Variants in SUMF1 observed in about 807,000 individuals in gnomAD.
The protein encoded by SUMF1 is sulfatase modifying factor 1.
In SUMF1, 48 loss-of-function variants were observed where a neutral mutation model predicts 47.6. The ratio of observed to expected loss-of-function variants is 1.01; its 90% CI spans 0.80 to 1.28. The LOEUF is 1.28. SUMF1 is among the 50% of genes most tolerant of loss of function. The pLI, the probability that SUMF1 is intolerant of heterozygous loss-of-function variation, is 0.00. For missense variants in SUMF1, 571 were observed against 485.4 expected, an observed-to-expected ratio of 1.18 and a Z score of -1.66; for synonymous variants, 230 against 192.1, an observed-to-expected ratio of 1.20 and a Z score of -1.63.
At chr3:4,139,120 T>G (rs886908247) in intron 8 of SUMF1, among the ~76,000 whole-genome samples, 4 of 152,140 alleles carry the variant, frequency 2.6e-5, no homozygotes, top group African/African-American at 9.7e-5. Context: ...AACATAAAAT[T>G]TTATTGTATT....
At chr3:4,242,759 C>T (rs988489464) in intron 8 of SUMF1, among the ~76,000 whole-genome samples, 2 of 152,144 alleles carry the variant, frequency 1.3e-5, no homozygotes, top group Non-Finnish European at 2.9e-5. Flanking sequence ...CTCTGCCAGG[C>T]TTTGGGATCA....
chr3:4,450,791 G>A (rs1702943308), intron 2 of SUMF1, among the ~76,000 whole-genome samples: 1 of 152,034 alleles, frequency 6.6e-6, no homozygotes, highest in South Asian at 2.1e-4. Flanking sequence ...TGCAGAAGGG[G>A]GATAAGCAAG....
At chr3:4,462,586 A>C (rs1337138058) in intron 1 of SUMF1, among the ~76,000 whole-genome samples, 1 of 152,198 alleles carries the variant, frequency 6.6e-6, no homozygotes, top group African/African-American at 2.4e-5. Flanking sequence ...TGTACACAAA[A>C]ATAGAATCAG....
chr3:4,058,296 G>T (rs1695223613), intron 9 of SUMF1, among the ~76,000 whole-genome samples: 1 of 152,096 alleles, frequency 6.6e-6, no homozygotes, highest in Non-Finnish European at 1.5e-5. Context: ...CTTAAGCATT[G>T]TCTGCAAGCC....
chr3:4,169,945 G>C (rs1436056089), intron 8 of SUMF1, among the ~76,000 whole-genome samples: 1 of 152,088 alleles, frequency 6.6e-6, no homozygotes, highest in South Asian at 2.1e-4. Flanking sequence ...AATTAAAGAG[G>C]TTCTAAAATG....
At position 4,154,842 on chromosome 3, in the gene SUMF1, G is replaced by GAATAC. The variant is rs374080560; in HGVS notation, c.1015-86102_1015-86098dup. Among the ~76,000 whole-genome samples, 81 of 151,618 alleles carry GAATAC rather than the reference G, an allele frequency of 5.3e-4. 2 individuals are homozygous for GAATAC. The highest frequency in any genetic ancestry group is 1.9e-3 in the African/African-American group (78 of 40,946). ...GGGCAACCACCGCATCCCACTTCCA[G>GAATAC]AATACATCAAAATTACAGCTTTTTT... On this transcript the variant is annotated intron_variant and NMD_transcript_variant, in intron 8 of 12. Coordinates refer to the SUMF1 transcript ENST00000448413.
intron 7 of SUMF1, among the ~76,000 whole-genome samples, chr3:4,402,603 A>G (rs1263533337): frequency 1.3e-5 from 2 of 152,182 alleles, no homozygotes; most frequent in East Asian, 1.9e-4. Flanking sequence ...CATTCATACT[A>G]TATCAATGAC....
intron 8 of SUMF1, among the ~76,000 whole-genome samples, chr3:4,273,912 A>T (rs1697362738): frequency 2.1e-5 from 3 of 143,056 alleles, no homozygotes; most frequent in Non-Finnish European, 3.0e-5. Context: ...TCTTTTTTTT[A>T]ATCTAAACAT....
chr3:4,047,955 T>C (rs898290353), intron 9 of SUMF1, among the ~76,000 whole-genome samples: 1 of 152,104 alleles, frequency 6.6e-6, no homozygotes, highest in African/African-American at 2.4e-5. Context: ...ATAGTTCCAA[T>C]ATTATCCTCA....
chr3:4,305,363 G>T (rs868853036), intron 8 of SUMF1, among the ~76,000 whole-genome samples: 14 of 152,184 alleles, frequency 9.2e-5, no homozygotes, highest in Non-Finnish European at 1.6e-4. Flanking sequence ...TGGGATTACA[G>T]ACGTGAGCCA....
intron 8 of SUMF1, among the ~76,000 whole-genome samples, chr3:4,130,382 G>A (rs1369880663): frequency 3.3e-5 from 5 of 152,110 alleles, no homozygotes; most frequent in African/African-American, 9.7e-5. Flanking sequence ...AGCAATATAC[G>A]TTTACTGTCC....
At chr3:4,399,589 G>A (rs1475804129) in intron 7 of SUMF1, among the ~76,000 whole-genome samples, 1 of 152,152 alleles carries the variant, frequency 6.6e-6, no homozygotes, top group Non-Finnish European at 1.5e-5. Context: ...GACAGTGCGG[G>A]AACATTTAGG....
rs548683862 is a variant in SUMF1 at position 4,217,736 on chromosome 3, C to G, written c.1015-148991G>C. Among the ~76,000 whole-genome samples, 17 of 113,378 alleles carry G rather than the reference C, an allele frequency of 1.5e-4. No homozygotes were observed. In the East Asian group the frequency reaches 4.0e-3, roughly 27 times the overall value. 74.4% of individuals were successfully genotyped at this position (113,378 alleles called of 152,430 possible). A position where few individuals can be genotyped will look rare whatever the true frequency, so the allele number is the denominator to read the frequency against. ...TTAAAAAATATTTTTTATCTTTGAA[C>G]CACAAAATTTCTTAGCTATTTTTTT... On this transcript the variant is annotated intron_variant and NMD_transcript_variant, in intron 8 of 12. Coordinates refer to the SUMF1 transcript ENST00000448413.
intron 8 of SUMF1, among the ~76,000 whole-genome samples, chr3:4,177,650 A>C (rs1012641237): frequency 3.3e-5 from 5 of 152,162 alleles, no homozygotes; most frequent in Non-Finnish European, 7.4e-5. Flanking sequence ...AAGAGCAAAC[A>C]CATTCAAAAG....
intron 8 of SUMF1, among the ~76,000 whole-genome samples, chr3:4,070,180 T>C (rs960618856): frequency 1.1e-4 from 16 of 152,184 alleles, no homozygotes; most frequent in Non-Finnish European, 2.2e-4. Flanking sequence ...CCCACCTTTC[T>C]GAACCCAACC....
intron 8 of SUMF1, among the ~76,000 whole-genome samples, chr3:4,263,530 A>G (rs1230568539): frequency 1.3e-5 from 2 of 152,152 alleles, no homozygotes; most frequent in Non-Finnish European, 2.9e-5. Flanking sequence ...AGTATACCGA[A>G]CCAAGAATGC....
At chr3:4,425,272 C>T (rs1444707011) in intron 3 of SUMF1, among the ~76,000 whole-genome samples, 1 of 152,106 alleles carries the variant, frequency 6.6e-6, no homozygotes, top group East Asian at 1.9e-4. Context: ...CCTCAGCTTA[C>T]TCATCTGCAA....
rs1051260496 is a variant in SUMF1 at position 4,236,680 on chromosome 3, T to C, written c.1014+139650A>G. On this transcript the variant is annotated intron_variant and NMD_transcript_variant, in intron 8 of 12. Coordinates refer to the SUMF1 transcript ENST00000448413. ...GCAGAAAGTACAGAGTTCTCATATATCCCTTGTCACCTATCAACATCCTGT... is the reference window on the plus strand; with the variant it reads ...GCAGAAAGTACAGAGTTCTCATATACCCCTTGTCACCTATCAACATCCTGT... Among the ~76,000 whole-genome samples, 13 of 152,080 alleles carry C rather than the reference T, an allele frequency of 8.5e-5. 1 individual carries two copies. The highest frequency in any genetic ancestry group is 3.1e-4 in the African/African-American group (13 of 41,442).
At chr3:4,038,115 C>T (rs1346225797) in intron 9 of SUMF1, among the ~76,000 whole-genome samples, 1 of 152,148 alleles carries the variant, frequency 6.6e-6, no homozygotes, top group Non-Finnish European at 1.5e-5. Flanking sequence ...ACCACCGCTG[C>T]AGGGTGATCT....
Sources: gnomAD v4.1 joint callset for allele counts (sites outside exome capture counted in the v4.1 genomes callset) on GRCh38, gnomAD v4.1.1 for gene constraint, MANE v1.5 for transcripts, NCBI Gene and HGNC (gene_info 2026-07-23, HGNC 2026-07-21) for gene names.